HAL: variants seen among roughly 807,000 people sequenced by gnomAD.
HAL encodes the protein histidase.
HAL carries 85 observed loss-of-function variants against 81.1 expected under a neutral mutation model. The observed-to-expected ratio is 1.05, with a 90% CI of 0.88 to 1.25. The LOEUF is 1.25. Among genes scored for constraint, HAL ranks in the 50% most tolerant of loss-of-function variants. HAL has a pLI of 0.00. For synonymous variants in HAL, 301 were observed against 309.2 expected, an observed-to-expected ratio of 0.97 and a Z score of 0.28; for missense variants, 798 against 836.6, an observed-to-expected ratio of 0.95 and a Z score of 0.57.
rs1336448892 is a variant in HAL, at chr12:95,974,363, C to T, written c.1843G>A (p.Val615Ile). The change falls in exon 21 of 21, where the codon GTA becomes ATA. Residue 615 changes from valine to isoleucine, a missense_variant. Physicochemically the swap from Val to Ile is conservative, Grantham distance 29. Coordinates refer to ENST00000261208, the MANE Select transcript of HAL (RefSeq NM_002108.4). ...TATTTTTCAATGTATGGAGCAGCTA[C>T]TTCCCAAACCTGAAAAGCAAGGACA... is the stretch of plus-strand genomic sequence containing the variant. ...RLLLEQKVWE[V>I]AAPYIEKYRM... 1 of 1,613,640 alleles carries T rather than the reference C, an allele frequency of 6.2e-7. No individual in the cohort carries two copies. The highest frequency in any genetic ancestry group is 1.3e-5 in the African/African-American group (1 of 75,040).
Position 95,996,256 on chromosome 12 carries a change from G to T in HAL, c.-260C>A. 3 of 321,506 alleles carry T rather than the reference G, an allele frequency of 9.3e-6. No individual in the cohort carries two copies. The highest frequency in any genetic ancestry group is 1.2e-5 in the Non-Finnish European group (2 of 166,130). The allele number at this position is 321,506 out of a possible 1,614,324, so 19.9% of individuals were successfully genotyped here. ...CCTGCTGCTGGCCCCCTTTCTTCAG[G>T]GTCCCCAATTTCTCTCTCTTCCCTC... On this transcript the variant is annotated 5_prime_UTR_variant, in exon 1 of 21. Coordinates refer to ENST00000261208, the MANE Select transcript of HAL (RefSeq NM_002108.4).
rs1555237160 is a variant in HAL, at chr12:95,974,471, A to G, written c.1834-99T>C. The G allele has an allele frequency of 3.9e-6, 4 of 1,021,466 alleles. No individual in the cohort carries two copies. The Admixed American group carries it at 5.1e-5, about 13-fold the overall frequency. 63.3% of individuals were successfully genotyped at this position (1,021,466 alleles called of 1,614,324 possible). The stretch of plus-strand genomic sequence containing the variant: ...TCCGAAGTCAAAACATACTCTATAC[A>G]TGACCAGACACAGCTGCTGTTTGCT... On this transcript the variant is annotated intron_variant, in intron 20 of 20. Coordinates refer to ENST00000261208, the MANE Select transcript of HAL (RefSeq NM_002108.4).
Position 95,973,322 on chromosome 12 carries a change from A to ATG in HAL, c.*909_*910insCA, listed in dbSNP as rs2080675826. ...TCTTCTCGGGGAAAAAAATAGATGCAGTAATACACTCTAGGGCTCCATCTG... is the reference window on the plus strand; with the variant it reads ...TCTTCTCGGGGAAAAAAATAGATGCATGGTAATACACTCTAGGGCTCCATCTG... On this transcript the variant is annotated 3_prime_UTR_variant, in exon 21 of 21. Coordinates refer to ENST00000261208, the MANE Select transcript of HAL (RefSeq NM_002108.4). The ATG allele has an allele frequency of 6.6e-6, 1 of 152,234 alleles. No individual in the cohort carries two copies. The highest frequency in any genetic ancestry group is 1.5e-5 in the Non-Finnish European group (1 of 68,046). The allele number at this position is 152,234 out of a possible 1,614,324, so 9.4% of individuals were successfully genotyped here. A position where few individuals can be genotyped will look rare whatever the true frequency, so the allele number is the denominator to read the frequency against.
chr12:95,982,890 G>T (rs1037409365), intron 15 of HAL, among the ~76,000 whole-genome samples: 4 of 152,160 alleles, frequency 2.6e-5, no homozygotes, highest in Non-Finnish European at 4.4e-5. Flanking sequence ...CATGAAAACT[G>T]TGCCAGTGTG....
Position 95,987,184 on chromosome 12 carries a change from T to A in HAL, c.934A>T (p.Ile312Phe). Reference sequence around the variant, plus strand: ...ACAGCTTCACAGCCCAGGGATGTGATCATCTGCGTCCCATTGATGAGTGCC... The same window carrying A: ...ACAGCTTCACAGCCCAGGGATGTGAACATCTGCGTCCCATTGATGAGTGCC... ...GLALINGTQM[I>F]TSLGCEAVER... The change falls in exon 12 of 21, where the codon ATC becomes TTC. Residue 312 changes from isoleucine (I) to phenylalanine (F), a missense_variant. Ile to Phe is a conservative substitution (Grantham distance 21). Coordinates refer to ENST00000261208, the MANE Select transcript of HAL (RefSeq NM_002108.4). The A allele has an allele frequency of 6.2e-7, 1 of 1,613,676 alleles. No individual in the cohort carries two copies. Among genetic ancestry groups the A allele is most frequent in the Non-Finnish European group, 8.5e-7 (1 of 1,179,564 alleles).
rs748512974 is a variant in HAL, at chr12:95,974,346, A to T, written c.1860T>A (p.Ile620=). 1.9e-6 allele frequency: 3 copies of T among 1,613,586 alleles called. No homozygotes were observed. Among genetic ancestry groups the T allele is most frequent in the Non-Finnish European group, 2.5e-6 (3 of 1,179,456 alleles). ...QKVWEVAAPY[I]EKYRMEHIPE... The stretch of plus-strand genomic sequence containing the variant: ...GAATATGCTCCATTCTGTATTTTTC[A>T]ATGTATGGAGCAGCTACTTCCCAAA... The change falls in exon 21 of 21, where the codon ATT becomes ATA. Residue 620 remains isoleucine, a synonymous_variant. Transcript: ENST00000261208.
chr12:95,983,047 C>T (rs529563831), intron 15 of HAL, among the ~76,000 whole-genome samples: 3 of 152,274 alleles, frequency 2.0e-5, no homozygotes, highest in African/African-American at 4.8e-5. Context: ...TTTCTTTGAA[C>T]AAACGCAAAA....
Position 95,978,004 on chromosome 12 carries a change from C to G in HAL, c.1594G>C (p.Val532Leu). 1 of 1,613,122 alleles carries G rather than the reference C, an allele frequency of 6.2e-7. No individual in the cohort carries two copies. The stretch of plus-strand genomic sequence containing the variant: ...CTTGCTGCCCATCCTCCCATGGAGA[C>G]GTGGTCCTCCGTGGCTGCGCTGGTG... ...LSTSAATEDH[V>L]SMGGWAARKA... The change falls in exon 18 of 21, where the codon GTC becomes CTC. Residue 532 changes from valine to leucine, a missense_variant. Transcript: ENST00000261208.
At chr12:95,988,908 C>G (rs929956689) in intron 10 of HAL, among the ~76,000 whole-genome samples, 1 of 152,172 alleles carries the variant, frequency 6.6e-6, no homozygotes, top group Non-Finnish European at 1.5e-5. Flanking sequence ...AAGGACAGAG[C>G]TGGTCCCATT....
In HAL at chr12:95,983,079, G is replaced by T. The variant is rs183234733; in HGVS notation, c.1287+832C>A. On this transcript the variant is annotated intron_variant, in intron 15 of 20. Transcript: ENST00000261208. ...AAAAGCACTAATTTGAGCAAAGTGC[G>T]CATGACAAATAAAAACTCATGATGG... 2.0e-5 allele frequency among the ~76,000 whole-genome samples: 3 copies of T among 152,180 alleles called. No individual in the cohort carries two copies. In the East Asian group the frequency reaches 5.8e-4, roughly 29 times the overall value.
In HAL at chr12:95,994,150, A is replaced by T. The variant is rs566723465; in HGVS notation, c.351T>A (p.Asp117Glu). 1 of 1,611,984 alleles carries T rather than the reference A, an allele frequency of 6.2e-7. No individual in the cohort carries two copies. The highest frequency in any genetic ancestry group is 1.3e-5 in the African/African-American group (1 of 74,994). ...YREPEKYIEL[D>E]GDRLTTEDLV... ...GATCCTCCGTGGTCAGACGGTCTCC[A>T]TCTAACTCGATGTACTACACAAAAG... Residue 117 changes from aspartate to glutamate, a missense_variant, in exon 5 of 21, where the codon GAT becomes GAA. Transcript: ENST00000261208.
Position 95,986,122 on chromosome 12 carries a change from C to T in HAL, c.1090G>A (p.Val364Ile), listed in dbSNP as rs1949884460. The T allele has an allele frequency of 4.3e-6, 7 of 1,612,236 alleles. No homozygotes were observed. The highest frequency in any genetic ancestry group is 1.3e-5 in the African/African-American group (1 of 74,888). Residue 364 changes from valine to isoleucine, a missense_variant, in exon 13 of 21, where the codon GTT (valine) becomes ATT (isoleucine). Val to Ile is a conservative substitution (Grantham distance 29). Coordinates refer to ENST00000261208, the MANE Select transcript of HAL (RefSeq NM_002108.4). ...AAGAGTGACCGAAACCGAAAAGCAA[C>T]TTCAATTTGCCCACGGTGAGGTCGA... ...ALRPHRGQIE[V>I]AFRFRSLLDS...
chr12:95,987,391 A>C (rs1429542337), intron 11 of HAL, among the ~76,000 whole-genome samples, 177 bp from the exon 12 acceptor site: 1 of 152,254 alleles, frequency 6.6e-6, no homozygotes, highest in Non-Finnish European at 1.5e-5. Flanking sequence ...CTTGAAGAAT[A>C]AGTGCTATCA....
chr12:95,981,182 C>G (rs1478606944), intron 15 of HAL, among the ~76,000 whole-genome samples: 1 of 90,554 alleles, frequency 1.1e-5, no homozygotes, highest in Non-Finnish European at 2.0e-5. Context: ...AGGTTTATAG[C>G]CTGAAACTAA....
At chr12:95,985,993 C>G (rs934936204) in intron 13 of HAL, 27 bp from the exon 14 acceptor site, 2 of 1,602,446 alleles carry the variant, frequency 1.2e-6, no homozygotes, top group African/African-American at 2.7e-5. Flanking sequence ...GGGGATGAGA[C>G]AGGGATCATG....
At chr12:95,983,221 C>G (rs147570390) in intron 15 of HAL, among the ~76,000 whole-genome samples, 8 of 152,236 alleles carry the variant, frequency 5.3e-5, no homozygotes, top group African/African-American at 1.9e-4. Flanking sequence ...AACCCTGTCT[C>G]TACTAAAAAT....
At chr12:95,990,177 G>C in intron 10 of HAL, 3 of 615,346 alleles carry the variant, frequency 4.9e-6, no homozygotes, top group Non-Finnish European at 8.9e-6. Context: ...TCACCAAGGT[G>C]ATGACCAAAC....
Position 95,990,378 on chromosome 12 carries a change from T to G in HAL, c.855+15A>C, listed in dbSNP as rs1482159142. 5.0e-6 allele frequency: 8 copies of G among 1,609,548 alleles called. No homozygotes were observed. In the African/African-American group the frequency reaches 1.1e-4, roughly 22 times the overall value. Reference sequence around the variant, plus strand: ...TGGGGCAATTGCTGCAGATAGAAGCTGCTACGAGTCTTACGTATTTAGCAT... The same window carrying G: ...TGGGGCAATTGCTGCAGATAGAAGCGGCTACGAGTCTTACGTATTTAGCAT... On this transcript the variant is annotated intron_variant, in intron 10 of 20. Coordinates refer to ENST00000261208, the MANE Select transcript of HAL (RefSeq NM_002108.4).
rs765473464 is a variant in HAL, at chr12:95,983,926, G to A, written c.1272C>T (p.Ser424=). The A allele has an allele frequency of 1.0e-5, 16 of 1,543,632 alleles. No individual in the cohort carries two copies. In the Admixed American group the frequency reaches 1.3e-4, roughly 13 times the overall value. ...CAAAAGATACAGGATTATCTGTTGC[G>A]CTGTTCAGTTCTGTGGTAATGATGT... ...VKNIITTELN[S]ATDNPMVFAN... is the part of the protein sequence containing the mutation. The change falls in exon 15 of 21, where the codon AGC becomes AGT. Residue 424 remains serine, a synonymous_variant. Transcript: ENST00000261208.
Sources: gnomAD v4.1 joint callset for allele counts (sites outside exome capture counted in the v4.1 genomes callset) on GRCh38, gnomAD v4.1.1 for gene constraint, MANE v1.5 for transcripts, NCBI Gene and HGNC (gene_info 2026-07-23, HGNC 2026-07-21) for gene names.